Variants in ARHGAP21 observed in about 807,000 individuals in gnomAD.
The protein encoded by ARHGAP21 is rho GTPase-activating protein 21.
ARHGAP21 carries 38 observed loss-of-function variants against 164.6 expected under a neutral mutation model. That is an observed-to-expected ratio of 0.23 (90% CI 0.18 to 0.30). ARHGAP21 has a LOEUF of 0.30. Ranked by LOEUF, ARHGAP21 falls within the 10% of genes least tolerant of loss-of-function variation. The probability of loss-of-function intolerance (pLI) is 1.00; values close to 1 mark genes in which losing one functional copy is unlikely to be tolerated. For synonymous variants in ARHGAP21, 766 were observed against 857.9 expected, an observed-to-expected ratio of 0.89 and a Z score of 1.87; for missense variants, 1,822 against 2,370.7, an observed-to-expected ratio of 0.77 and a Z score of 4.81.
rs763636012 is a variant in ARHGAP21 at position 24,585,923 on chromosome 10, C to T, written c.4366G>A (p.Glu1456Lys). The T allele has an allele frequency of 1.1e-5, 17 of 1,614,102 alleles. No individual in the cohort carries two copies. The East Asian group carries it at 3.6e-4, about 34-fold the overall frequency. The change falls in exon 26 of 26, where the codon GAG (glutamate) becomes AAG (lysine). Residue 1456 changes from glutamate (E) to lysine (K), a missense_variant. Coordinates refer to ENST00000396432, the MANE Select transcript of ARHGAP21 (RefSeq NM_020824.4). ...GTCTCACTTTCTTTTTTGGACTCCT[C>T]TTTAGTATCATTGTGACACTGTTCC... Reference protein sequence around the residue: ...NVEQCHNDTKEESKKESETLG... With the variant: ...NVEQCHNDTKKESKKESETLG...
chr10:24,680,998 C>G (rs1841709817), intron 2 of ARHGAP21, among the ~76,000 whole-genome samples: 1 of 152,072 alleles, frequency 6.6e-6, no homozygotes. Flanking sequence ...AATAATAACT[C>G]AAGGTTAAAA....
At chr10:24,720,736 T>C (rs919204464) in intron 2 of ARHGAP21, among the ~76,000 whole-genome samples, 1 of 152,164 alleles carries the variant, frequency 6.6e-6, no homozygotes, top group African/African-American at 2.4e-5. Flanking sequence ...GAGCCAGCCC[T>C]TGTTTCAAGG....
chr10:24,585,967 A>C lies in ARHGAP21; in HGVS notation c.4322T>G (p.Phe1441Cys). ...SSSEDELDNV[F>C]FKKENVEQCH... ...CTGTTCCACATTTTCTTTCTTAAAA[A>C]ATACATTGTCCAGTTCATCTTCTGA... The change falls in exon 26 of 26, where the codon TTT becomes TGT. Residue 1441 changes from phenylalanine (F) to cysteine (C), a missense_variant. Physicochemically the swap from Phe to Cys is radical, Grantham distance 205. Transcript: ENST00000396432. 1.2e-6 allele frequency: 2 copies of C among 1,614,172 alleles called. No homozygotes were observed. The highest frequency in any genetic ancestry group is 1.7e-6 in the Non-Finnish European group (2 of 1,180,042).
intron 9 of ARHGAP21, among the ~76,000 whole-genome samples, chr10:24,608,587 G>A (rs1302808896): frequency 6.6e-6 from 1 of 152,012 alleles, no homozygotes; most frequent in African/African-American, 2.4e-5. Context: ...GATAAACCAG[G>A]ATTTTGATGC....
chr10:24,646,100 C>T lies in ARHGAP21; in HGVS notation c.269-10997G>A, dbSNP rs147297099. ...AAAATTATATTTCTGATTTAATGTG[C>T]TTGGCATTTACATGTAAATATTTCT... is the stretch of plus-strand genomic sequence containing the variant. On this transcript the variant is annotated intron_variant, in intron 4 of 25. Coordinates refer to ENST00000396432, the MANE Select transcript of ARHGAP21 (RefSeq NM_020824.4). 1.5e-3 allele frequency among the ~76,000 whole-genome samples: 232 copies of T among 152,288 alleles called. 5 individuals are homozygous for T. The East Asian group carries it at 0.038, about 25-fold the overall frequency.
Position 24,620,021 on chromosome 10 carries a change from G to T in ARHGAP21, c.1874C>A (p.Ser625Tyr), listed in dbSNP as rs146902377. The T allele has an allele frequency of 8.4e-5, 135 of 1,613,854 alleles. No homozygotes were observed. In the Middle Eastern group the frequency reaches 2.1e-3, roughly 26 times the overall value. Residue 625 changes from serine to tyrosine, a missense_variant, in exon 9 of 26, where the codon TCT becomes TAT. Ser to Tyr is a moderately radical substitution (Grantham distance 144). Transcript: ENST00000396432. ...RSPLVKVRSN[S>Y]LKAPSTHVTK... The stretch of plus-strand genomic sequence containing the variant: ...GACATGCGTGGAAGGAGCTTTCAGA[G>T]AATTACTTCGGACTTTCACAAGAGG...
intron 2 of ARHGAP21, among the ~76,000 whole-genome samples, chr10:24,695,050 C>CAAAAAAAAAA (rs570457905): frequency 3.8e-5 from 3 of 78,506 alleles, no homozygotes; most frequent in Admixed American, 1.7e-4. Flanking sequence ...AATTCCATCT[C>CAAAAAAAAAA]AAAAAAAAAA....
chr10:24,604,388 A>C (rs548723376), intron 11 of ARHGAP21, 40 bp from the exon 12 acceptor site: 1 of 1,362,660 alleles, frequency 7.3e-7, no homozygotes, highest in African/African-American at 1.5e-5. Flanking sequence ...CAATTAGTGC[A>C]AAAAAAATCT....
Position 24,600,666 on chromosome 10 carries a change from T to C in ARHGAP21, c.3112A>G (p.Ser1038Gly), listed in dbSNP as rs1392142131. 2.5e-6 allele frequency: 4 copies of C among 1,613,564 alleles called. No homozygotes were observed. The Admixed American group carries it at 6.7e-5, about 27-fold the overall frequency. ...CCCACCTCTTCGTTTAGGTTGCTGCTCTCCTGGATCGTCTTGATCCAAGCT... is the reference window on the plus strand; with the variant it reads ...CCCACCTCTTCGTTTAGGTTGCTGCCCTCCTGGATCGTCTTGATCCAAGCT... The part of the protein sequence containing the change: ...MLAWIKTIQE[S>G]SNLNEEDTGV... The change falls in exon 14 of 26, where the codon AGC (serine) becomes GGC (glycine). Residue 1038 changes from serine to glycine, a missense_variant. Ser to Gly is a moderately conservative substitution (Grantham distance 56, BLOSUM62 0). Coordinates refer to ENST00000396432, the MANE Select transcript of ARHGAP21 (RefSeq NM_020824.4).
At chr10:24,599,169 C>T (rs2076706969) in intron 14 of ARHGAP21, among the ~76,000 whole-genome samples, 1 of 152,194 alleles carries the variant, frequency 6.6e-6, no homozygotes, top group African/African-American at 2.4e-5. Context: ...CTCATTCAAT[C>T]CTCCAAACAG....
chr10:24,701,564 GA>G (rs1843674150), intron 2 of ARHGAP21, among the ~76,000 whole-genome samples: 2 of 152,174 alleles, frequency 1.3e-5, no homozygotes, highest in South Asian at 4.1e-4. Flanking sequence ...GATCTGAAAT[GA>G]AAGTATTTCA....
chr10:24,720,493 G>A (rs1042640668), intron 2 of ARHGAP21, among the ~76,000 whole-genome samples: 1 of 152,182 alleles, frequency 6.6e-6, no homozygotes, highest in Non-Finnish European at 1.5e-5. Context: ...GCTTTTGCCT[G>A]CAAGCAGGTG....
chr10:24,619,830 A>C lies in ARHGAP21; in HGVS notation c.2065T>G (p.Ser689Ala). 1 of 1,614,170 alleles carries C rather than the reference A, an allele frequency of 6.2e-7. No homozygotes were observed. Among genetic ancestry groups the C allele is most frequent in the Non-Finnish European group, 8.5e-7 (1 of 1,180,028 alleles). Residue 689 changes from serine (S) to alanine (A), a missense_variant, in exon 9 of 26, where the codon TCT (serine) becomes GCT (alanine). Physicochemically the swap from Ser to Ala is moderately conservative, Grantham distance 99. This residue lies in a region of ARHGAP21 where 1,090 missense variants were observed against 1,378.9 expected (regional missense o/e 0.79). Coordinates refer to ENST00000396432, the MANE Select transcript of ARHGAP21 (RefSeq NM_020824.4). Reference protein sequence around the residue: ...TGKSPSLSGASAKPAPQSSEN... With the variant: ...TGKSPSLSGAAAKPAPQSSEN... ...CTCGACTGAGGGGCAGGCTTGGCAG[A>C]GGCTCCAGATAAAGAGGGGGATTTC... is the stretch of plus-strand genomic sequence containing the variant.
intron 25 of ARHGAP21, among the ~76,000 whole-genome samples, chr10:24,587,515 G>A (rs370114541): frequency 8.5e-5 from 13 of 152,106 alleles, no homozygotes; most frequent in Non-Finnish European, 1.0e-4. Flanking sequence ...TCAAAAATTC[G>A]CTAAGATGAA....
At chr10:24,682,091 T>C (rs1440743365) in intron 2 of ARHGAP21, among the ~76,000 whole-genome samples, 1 of 151,822 alleles carries the variant, frequency 6.6e-6, no homozygotes, top group Non-Finnish European at 1.5e-5. Context: ...ACCAGCCACA[T>C]AGTACACGCA....
intron 4 of ARHGAP21, among the ~76,000 whole-genome samples, chr10:24,651,955 T>TA (rs1405592627): frequency 6.6e-6 from 1 of 152,216 alleles, no homozygotes; most frequent in Non-Finnish European, 1.5e-5. Flanking sequence ...CCACATTAAT[T>TA]AAAATAGTGT....
intron 2 of ARHGAP21, among the ~76,000 whole-genome samples, chr10:24,687,552 T>C (rs1450875960): frequency 6.6e-6 from 1 of 152,188 alleles, no homozygotes; most frequent in African/African-American, 2.4e-5. Context: ...CAAATACAGA[T>C]ATGCCTATTT....
chr10:24,592,619 T>C (rs2076384355), intron 21 of ARHGAP21, among the ~76,000 whole-genome samples: 2 of 151,724 alleles, frequency 1.3e-5, no homozygotes, highest in Admixed American at 1.3e-4. Flanking sequence ...ACCTCATCTC[T>C]ACTAAAAATA....
chr10:24,673,756 A>AG (rs1239986383), intron 2 of ARHGAP21, among the ~76,000 whole-genome samples: 1 of 152,074 alleles, frequency 6.6e-6, no homozygotes, highest in African/African-American at 2.4e-5. Context: ...CCACTACTTG[A>AG]GAGGCTAAGG....
Sources: allele counts gnomAD v4.1 joint callset (sites outside exome capture counted in the v4.1 genomes callset), GRCh38; gene constraint gnomAD v4.1.1; regional missense constraint gnomAD v4.1.1; transcripts MANE v1.5; gene names NCBI Gene and HGNC (gene_info 2026-07-23, HGNC 2026-07-21).